The following ZNF536 variants were observed in gnomAD, a reference collection of about 807,000 sequenced individuals.
The protein encoded by ZNF536 is zinc finger protein 536.
A neutral mutation model predicts 84.5 loss-of-function variants in ZNF536; 13 were observed. That is an observed-to-expected ratio of 0.15 (90% CI 0.10 to 0.24). The LOEUF is 0.24. Among genes scored for constraint, ZNF536 ranks in the 10% least tolerant of loss-of-function variants. ZNF536 has a pLI of 1.00. For missense variants in ZNF536, 1,536 were observed against 1,747.5 expected, an observed-to-expected ratio of 0.88 and a Z score of 2.16; for synonymous variants, 811 against 742.5, an observed-to-expected ratio of 1.09 and a Z score of -1.50.
chr19:30,504,453 T>C (rs1457985884), intron 2 of ZNF536, among the ~76,000 whole-genome samples: 3 of 135,158 alleles, frequency 2.2e-5, no homozygotes, highest in African/African-American at 8.6e-5. Flanking sequence ...CCTCCCTTCC[T>C]TTCTCCCTTC....
At chr19:30,596,452 G>T (rs985401638) in intron 1 of ZNF536, among the ~76,000 whole-genome samples, 14 of 152,142 alleles carry the variant, frequency 9.2e-5, no homozygotes, top group Admixed American at 7.9e-4. Flanking sequence ...GACAATCGCG[G>T]CACAGCCATT....
intron 2 of ZNF536, among the ~76,000 whole-genome samples, chr19:30,450,913 A>C (rs988311968): frequency 6.6e-6 from 1 of 152,158 alleles, no homozygotes; most frequent in Admixed American, 6.5e-5. Context: ...TGAGATGAAA[A>C]GCTGCACTTT....
At chr19:30,477,102 T>C (rs1694384061) in intron 2 of ZNF536, among the ~76,000 whole-genome samples, 1 of 152,192 alleles carries the variant, frequency 6.6e-6, no homozygotes, top group Non-Finnish European at 1.5e-5. Flanking sequence ...ATTTTCTTTG[T>C]TAAGGTCCAC....
Position 30,549,117 on chromosome 19 carries a change from C to G in ZNF536, c.3498C>G (p.Ser1166=), listed in dbSNP as rs1296856020. ...NTTDDLSDIA[S]SEDMDSSKGE... is the part of the protein sequence containing the mutation. Reference sequence around the variant, plus strand: ...CTGATGACCTCTCTGACATTGCCTCCTCAGAGGACATGGACTCCTCCAAGG... The same window carrying G: ...CTGATGACCTCTCTGACATTGCCTCGTCAGAGGACATGGACTCCTCCAAGG... Residue 1166 remains serine (S), a synonymous_variant, in exon 4 of 5, where the codon TCC becomes TCG. Coordinates refer to ENST00000355537, the MANE Select transcript of ZNF536 (RefSeq NM_014717.3). 6.2e-7 allele frequency: 1 copy of G among 1,613,998 alleles called. No homozygotes were observed. Among genetic ancestry groups the G allele is most frequent in the Non-Finnish European group, 8.5e-7 (1 of 1,180,056 alleles).
chr19:30,493,301 C>A (rs888183574), intron 2 of ZNF536, among the ~76,000 whole-genome samples: 5 of 151,982 alleles, frequency 3.3e-5, no homozygotes, highest in Admixed American at 1.3e-4. Context: ...GAACGTCAAA[C>A]CTTTGTTAGA....
At chr19:30,510,149 T>C (rs2055350493) in intron 2 of ZNF536, among the ~76,000 whole-genome samples, 1 of 152,170 alleles carries the variant, frequency 6.6e-6, no homozygotes, top group South Asian at 2.1e-4. Context: ...TTTGCCCACA[T>C]ATACACTAAT....
intron 1 of ZNF536, among the ~76,000 whole-genome samples, chr19:30,382,296 G>T (rs916240589): frequency 6.6e-6 from 1 of 152,158 alleles, no homozygotes; most frequent in Non-Finnish European, 1.5e-5. Context: ...TGCATCATCT[G>T]TGCAAAGCTC....
At chr19:30,509,031 CATT>C (rs2055296621) in intron 2 of ZNF536, among the ~76,000 whole-genome samples, 1 of 150,382 alleles carries the variant, frequency 6.6e-6, no homozygotes, top group South Asian at 2.1e-4. Context: ...GATGGGGTCT[CATT>C]GTGTTGCCCA....
rs1451276962 is a variant in ZNF536, at chr19:30,510,964, A to G, written c.2171-23883A>G. 2.6e-5 allele frequency among the ~76,000 whole-genome samples: 4 copies of G among 152,196 alleles called. No homozygotes were observed. The East Asian group carries it at 5.8e-4, about 22-fold the overall frequency. ...CAGGCGTAGAGTGGGGATGGATATC[A>G]TATCTCCCATTTGGCCTCCTCAGAG... On this transcript the variant is annotated intron_variant, in intron 2 of 4. Transcript: ENST00000355537.
chr19:30,569,624 G>A (rs1462365131), intron 1 of ZNF536, among the ~76,000 whole-genome samples: 1 of 130,144 alleles, frequency 7.7e-6, no homozygotes, highest in Non-Finnish European at 1.5e-5. Flanking sequence ...AGTCTGGAGT[G>A]CAGTGGCATG....
At chr19:30,372,818 C>G (rs922523264) in intron 1 of ZNF536, among the ~76,000 whole-genome samples, 17 of 115,586 alleles carry the variant, frequency 1.5e-4, no homozygotes, top group African/African-American at 4.4e-4. Flanking sequence ...CATTAATTCT[C>G]TCCATCACCC....
intron 2 of ZNF536, among the ~76,000 whole-genome samples, chr19:30,526,941 C>T (rs974223828): frequency 5.9e-5 from 9 of 151,764 alleles, no homozygotes; most frequent in South Asian, 2.1e-4. Flanking sequence ...TTTTTTGAGA[C>T]GGATTTTCAC....
chr19:30,508,164 C>G (rs2055250196), intron 2 of ZNF536, among the ~76,000 whole-genome samples: 1 of 152,220 alleles, frequency 6.6e-6, no homozygotes, highest in South Asian at 2.1e-4. Context: ...TCACCAACCA[C>G]TAGAGCCTTT....
chr19:30,627,302 C>CA lies in ZNF536; in HGVS notation c.169+77797dup, dbSNP rs199653636. ...GGAATGTAGGGAGACCCCATCTCTA[C>CA]AAAAAAAAATAAGAAAATAGTCAGG... On this transcript the variant is annotated intron_variant, in intron 1 of 1. Transcript: ENST00000592773. 4.5e-3 allele frequency among the ~76,000 whole-genome samples: 671 copies of CA among 148,466 alleles called. 3 individuals carry two copies. The highest frequency in any genetic ancestry group is 0.013 in the African/African-American group (531 of 40,392).
chr19:30,629,749 T>C (rs747181575), intron 1 of ZNF536, among the ~76,000 whole-genome samples: 11 of 152,356 alleles, frequency 7.2e-5, no homozygotes, highest in Middle Eastern at 3.4e-3. Context: ...TCTGCTCCTC[T>C]GGCTCCCCTA....
intron 2 of ZNF536, among the ~76,000 whole-genome samples, chr19:30,349,056 G>A (rs1323858145): frequency 6.6e-6 from 1 of 152,194 alleles, no homozygotes; most frequent in Non-Finnish European, 1.5e-5. Context: ...GAAACATACT[G>A]TGTCTTCTGC....
At chr19:30,368,228 G>T (rs148479010), upstream of ZNF536, among the ~76,000 whole-genome samples, 13 of 152,372 alleles carry the variant, frequency 8.5e-5, no homozygotes, top group African/African-American at 2.6e-4. Context: ...GTGGTGGGGT[G>T]GGGCCCGAAA....
At chr19:30,305,698 T>C (rs2046321707) in intron 2 of ZNF536, among the ~76,000 whole-genome samples, 1 of 151,926 alleles carries the variant, frequency 6.6e-6, no homozygotes, top group Admixed American at 6.6e-5. Flanking sequence ...GGGTTTGGGG[T>C]TTGGGGTTTG....
intron 1 of ZNF536, among the ~76,000 whole-genome samples, chr19:30,608,566 A>T (rs1217662647): frequency 6.6e-6 from 1 of 152,152 alleles, no homozygotes; most frequent in East Asian, 1.9e-4. Context: ...ACCTGATTCC[A>T]GTCTGGGACC....
Sources: gnomAD v4.1 joint callset for allele counts (sites outside exome capture counted in the v4.1 genomes callset) on GRCh38, gnomAD v4.1.1 for gene constraint, MANE v1.5 for transcripts, NCBI Gene and HGNC (gene_info 2026-07-23, HGNC 2026-07-21) for gene names.